Variants in UBE2V1 observed in about 807,000 individuals in gnomAD.
The protein encoded by UBE2V1 is ubiquitin conjugating enzyme E2 V1, also known as ubiquitin-conjugating enzyme E2 variant 1.
Under a neutral mutation model 19.6 loss-of-function variants are expected in UBE2V1, and 15 were observed. The ratio of observed to expected loss-of-function variants is 0.77; its 90% CI spans 0.51 to 1.18. The LOEUF is 1.18. UBE2V1 is among the 50% of genes most tolerant of loss of function. The pLI, the probability that UBE2V1 is intolerant of heterozygous loss-of-function variation, is 0.00. For missense variants in UBE2V1, 125 were observed against 184.8 expected (o/e 0.68, Z 1.88); for synonymous variants, 60 against 60.7 (o/e 0.99, Z 0.05).
chr20:50,096,400 T>G, intron 2 of UBE2V1: 1 of 656,880 alleles, frequency 1.5e-6, no homozygotes, highest in Non-Finnish European at 2.4e-6. Flanking sequence ...CTGAACGACA[T>G]CTGATGGTGC....
At chr20:50,086,354 AG>A (rs1292465469) in intron 2 of UBE2V1, among the ~76,000 whole-genome samples, 3 of 152,126 alleles carry the variant, frequency 2.0e-5, no homozygotes, top group Non-Finnish European at 2.9e-5. Context: ...GGGCCTTGAC[AG>A]GGGCCCTCAA....
chr20:50,112,828 C>T (rs2080851764), intron 1 of UBE2V1, among the ~76,000 whole-genome samples: 1 of 152,208 alleles, frequency 6.6e-6, no homozygotes, highest in Non-Finnish European at 1.5e-5. Context: ...GCTCCTCGCC[C>T]ACTCCGGCTC....
chr20:50,083,046 C>A lies in UBE2V1; in HGVS notation c.298-132G>T, dbSNP rs892169741. On this transcript the variant is annotated intron_variant, in intron 3 of 3. Coordinates refer to ENST00000371674, the MANE Select transcript of UBE2V1 (RefSeq NM_001032288.3). ...CTGAACCTGCTGCTAATCCTAATAC[C>A]TTACATGCGGAATACCTACCTGCTA... 2.8e-5 allele frequency: 40 copies of A among 1,406,276 alleles called. No homozygotes were observed. The African/African-American group carries it at 5.5e-4, about 19-fold the overall frequency. 87.1% of individuals were successfully genotyped at this position (1,406,276 alleles called of 1,614,324 possible). A position where few individuals can be genotyped will look rare whatever the true frequency, so the allele number is the denominator to read the frequency against.
At chr20:50,085,276 T>C (rs1184818641) in intron 2 of UBE2V1, among the ~76,000 whole-genome samples, 1 of 152,154 alleles carries the variant, frequency 6.6e-6, no homozygotes, top group Non-Finnish European at 1.5e-5. Flanking sequence ...ACCTCTTCAC[T>C]GTACCATCTA....
intron 2 of UBE2V1, among the ~76,000 whole-genome samples, chr20:50,089,399 G>C (rs919286966): frequency 6.6e-6 from 1 of 152,200 alleles, no homozygotes; most frequent in African/African-American, 2.4e-5. Flanking sequence ...GCTGATGCCA[G>C]GATGAAGGGC....
At chr20:50,099,517 AT>A (rs558970390) in intron 1 of UBE2V1, among the ~76,000 whole-genome samples, 1 of 152,040 alleles carries the variant, frequency 6.6e-6, no homozygotes, top group East Asian at 1.9e-4. Context: ...CTATTTCCTG[AT>A]TTTTTTACAA....
intron 2 of UBE2V1, among the ~76,000 whole-genome samples, chr20:50,087,579 AT>A (rs2078996014): frequency 6.6e-6 from 1 of 152,146 alleles, no homozygotes. Flanking sequence ...CTTAAGATTC[AT>A]TATTTGATCA....
At chr20:50,089,898 ATCACCCCAGTATGAGCCCC>A (rs1272279782) in intron 2 of UBE2V1, among the ~76,000 whole-genome samples, 5 of 148,240 alleles carry the variant, frequency 3.4e-5, no homozygotes, top group African/African-American at 1.3e-4. Context: ...TCCTTTAGGT[ATCACCCCAGTATGAGCCCC>A]TTACCTCGGC....
upstream of UBE2V1, among the ~76,000 whole-genome samples, chr20:50,113,556 C>T (rs1477574991): frequency 6.6e-6 from 1 of 152,222 alleles, no homozygotes; most frequent in African/African-American, 2.4e-5. Flanking sequence ...CGAGAGAGAT[C>T]AAGCGATTTA....
At chr20:50,110,027 G>A (rs1216576647) in intron 1 of UBE2V1, among the ~76,000 whole-genome samples, 3 of 152,230 alleles carry the variant, frequency 2.0e-5, no homozygotes. Context: ...AATCTCTGCT[G>A]CCCACATGGT....
chr20:50,099,647 C>T (rs1326114849), intron 1 of UBE2V1, among the ~76,000 whole-genome samples: 1 of 152,160 alleles, frequency 6.6e-6, no homozygotes, highest in Admixed American at 6.5e-5. Flanking sequence ...AAGGCTCCTT[C>T]CCCTAGGAAT....
intron 2 of UBE2V1, among the ~76,000 whole-genome samples, chr20:50,090,145 T>C (rs944868772): frequency 6.6e-6 from 1 of 152,242 alleles, no homozygotes; most frequent in African/African-American, 2.4e-5. Flanking sequence ...TTTGATTTTT[T>C]AGTCCAACAT....
intron 2 of UBE2V1, chr20:50,096,312 C>T: frequency 3.3e-6 from 1 of 304,070 alleles, no homozygotes. Flanking sequence ...GAAGGCTTTC[C>T]AGAGTTAATT....
chr20:50,109,385 G>A (rs1366874984), intron 1 of UBE2V1, among the ~76,000 whole-genome samples: 2 of 152,016 alleles, frequency 1.3e-5, no homozygotes, highest in South Asian at 2.1e-4. Flanking sequence ...GGGGGAAATA[G>A]AGTGGTTTTC....
chr20:50,106,376 T>C (rs1183014360), intron 1 of UBE2V1, among the ~76,000 whole-genome samples: 3 of 152,192 alleles, frequency 2.0e-5, no homozygotes, highest in Non-Finnish European at 4.4e-5. Context: ...CAGTAAAACA[T>C]TTAATGCAGT....
intron 1 of UBE2V1, among the ~76,000 whole-genome samples, chr20:50,106,356 C>T (rs1052365067): frequency 6.6e-6 from 1 of 152,206 alleles, no homozygotes; most frequent in Admixed American, 6.5e-5. Flanking sequence ...TAGAGCTTTA[C>T]ACCATGCCAC....
chr20:50,106,882 A>C lies in UBE2V1; in HGVS notation c.22+6225T>G, dbSNP rs535551317. ...AACAACAACAACAACAACAAAAAAA[A>C]AAAAACAAAAAAAAGGTAGAACCTC... On this transcript the variant is annotated intron_variant, in intron 1 of 3. Transcript: ENST00000371674. Among the ~76,000 whole-genome samples the C allele has an allele frequency of 2.1e-3, 321 of 150,812 alleles. 3 individuals carry two copies. The highest frequency in any genetic ancestry group is 7.0e-3 in the African/African-American group (282 of 40,286).
At chr20:50,083,660 G>C (rs1467335650) in intron 3 of UBE2V1, 1 of 153,530 alleles carries the variant, frequency 6.5e-6, no homozygotes, top group Admixed American at 6.5e-5. Context: ...ACATTGCTCT[G>C]TTTTTGTAAT....
chr20:50,087,440 G>C (rs934930500), intron 2 of UBE2V1, among the ~76,000 whole-genome samples: 2 of 151,114 alleles, frequency 1.3e-5, no homozygotes, highest in African/African-American at 2.4e-5. Flanking sequence ...TAGAAACCAG[G>C]GTTACAGGGT....
Sources: allele counts gnomAD v4.1 joint callset (sites outside exome capture counted in the v4.1 genomes callset), GRCh38; gene constraint gnomAD v4.1.1; transcripts MANE v1.5; gene names NCBI Gene and HGNC (gene_info 2026-07-23, HGNC 2026-07-21).